Variants in KCNN2 observed in about 807,000 individuals in gnomAD.
KCNN2 encodes small conductance calcium-activated potassium channel protein 2.
Under a neutral mutation model 55.5 loss-of-function variants are expected in KCNN2, and 24 were observed. The observed-to-expected ratio is 0.43, with a 90% CI of 0.31 to 0.61. The LOEUF (loss-of-function observed/expected upper bound fraction) is 0.61. Ranked by LOEUF, KCNN2 falls within the 20% of genes least tolerant of loss-of-function variation. The pLI is 0.08. For synonymous variants in KCNN2, 431 were observed against 336.1 expected, an observed-to-expected ratio of 1.28 and a Z score of -3.09; for missense variants, 754 against 853.6, an observed-to-expected ratio of 0.88 and a Z score of 1.45.
chr5:114,420,305 T>A (rs1366202329), intron 3 of KCNN2, among the ~76,000 whole-genome samples: 3 of 152,226 alleles, frequency 2.0e-5, no homozygotes, highest in Non-Finnish European at 4.4e-5. Context: ...AACTGAGCTA[T>A]GCAAAAAGCA....
intron 2 of KCNN2, among the ~76,000 whole-genome samples, chr5:114,240,979 A>G (rs549989384): frequency 1.3e-5 from 2 of 152,206 alleles, no homozygotes; most frequent in East Asian, 3.8e-4. Context: ...TTAAAAATAT[A>G]TAAAAATTAA....
chr5:114,473,233 T>G (rs1418917067), intron 5 of KCNN2, 69 bp downstream of exon 5: 1 of 1,045,322 alleles, frequency 9.6e-7, no homozygotes, highest in South Asian at 1.4e-5. Context: ...GAAATATGGT[T>G]TTTATTTTGA....
intron 3 of KCNN2, among the ~76,000 whole-genome samples, chr5:114,426,017 C>CA (rs565439053): frequency 0.062 from 8,679 of 139,964 alleles, 272 homozygotes; most frequent in Middle Eastern, 0.077. Context: ...CCATCTCTAC[C>CA]AAAAAAAAAA....
intron 1 of KCNN2, among the ~76,000 whole-genome samples, chr5:114,185,908 T>C (rs1043348736): frequency 6.6e-6 from 1 of 152,192 alleles, no homozygotes; most frequent in Non-Finnish European, 1.5e-5. Flanking sequence ...GGCTGAAATA[T>C]AATGATCATT....
chr5:114,356,935 ATT>A, intron 2 of KCNN2, among the ~76,000 whole-genome samples: 1 of 152,204 alleles, frequency 6.6e-6, no homozygotes, highest in Non-Finnish European at 1.5e-5. Context: ...CCCCACTGGC[ATT>A]TATTGCTAAG....
intron 2 of KCNN2, among the ~76,000 whole-genome samples, chr5:114,337,165 G>T (rs1309612475): frequency 1.3e-5 from 2 of 152,226 alleles, no homozygotes; most frequent in Non-Finnish European, 2.9e-5. Context: ...ATCTCAGATA[G>T]ATTTTGTAGA....
intron 2 of KCNN2, among the ~76,000 whole-genome samples, chr5:114,350,574 GT>G (rs1186080408): frequency 6.6e-6 from 1 of 151,852 alleles, no homozygotes; most frequent in African/African-American, 2.4e-5. Context: ...AATGCTTTGA[GT>G]TTTACAGTTT....
At chr5:114,452,638 C>T (rs948406931) in intron 3 of KCNN2, among the ~76,000 whole-genome samples, 20 of 152,288 alleles carry the variant, frequency 1.3e-4, no homozygotes, top group South Asian at 4.1e-4. Flanking sequence ...TAAAAAATCC[C>T]TGTGCCATGG....
chr5:114,446,747 C>A (rs1369399752), intron 3 of KCNN2, among the ~76,000 whole-genome samples: 1 of 152,076 alleles, frequency 6.6e-6, no homozygotes, highest in East Asian at 1.9e-4. Context: ...AGGCATGAGT[C>A]ACTACACCTG....
chr5:114,171,414 T>C (rs1297603695), intron 1 of KCNN2, among the ~76,000 whole-genome samples: 2 of 151,938 alleles, frequency 1.3e-5, no homozygotes, highest in African/African-American at 2.4e-5. Context: ...TTCCTTTGGC[T>C]AAAACATTTT....
intron 7 of KCNN2, among the ~76,000 whole-genome samples, chr5:114,495,657 C>T (rs1298338815): frequency 6.6e-6 from 1 of 152,138 alleles, no homozygotes; most frequent in Non-Finnish European, 1.5e-5. Flanking sequence ...GGCATGCCAC[C>T]AGTAGCAGTA....
At chr5:114,395,163 G>A (rs1758577855) in intron 2 of KCNN2, among the ~76,000 whole-genome samples, 1 of 152,178 alleles carries the variant, frequency 6.6e-6, no homozygotes, top group African/African-American at 2.4e-5. Flanking sequence ...CTGCAGCCGA[G>A]CTCCTTCTGG....
At chr5:114,465,238 A>G (rs1208465483) in intron 4 of KCNN2, among the ~76,000 whole-genome samples, 5 of 152,276 alleles carry the variant, frequency 3.3e-5, no homozygotes, top group Admixed American at 6.5e-5. Flanking sequence ...TCAAAGTCTC[A>G]TCAGATAGTA....
At chr5:114,479,589 G>A (rs767624098) in intron 5 of KCNN2, among the ~76,000 whole-genome samples, 25 of 151,622 alleles carry the variant, frequency 1.6e-4, no homozygotes, top group African/African-American at 4.4e-4. Flanking sequence ...TGTTCTGATC[G>A]CTATGTGGCA....
At chr5:114,443,976 A>G (rs1030530787) in intron 3 of KCNN2, among the ~76,000 whole-genome samples, 2 of 152,210 alleles carry the variant, frequency 1.3e-5, no homozygotes, top group African/African-American at 4.8e-5. Flanking sequence ...GCAGTGGGGA[A>G]TCACCTTGTT....
intron 2 of KCNN2, among the ~76,000 whole-genome samples, chr5:114,284,798 G>A (rs1031521337): frequency 3.9e-5 from 6 of 151,946 alleles, no homozygotes; most frequent in Middle Eastern, 3.4e-3. Flanking sequence ...GATTACAGGC[G>A]TCAGCCACCG....
chr5:114,233,454 G>A (rs1187573921), intron 2 of KCNN2, among the ~76,000 whole-genome samples: 3 of 152,024 alleles, frequency 2.0e-5, no homozygotes, highest in Non-Finnish European at 2.9e-5. Context: ...AAAAAAGACA[G>A]CTTTTGTTTT....
At chr5:114,404,309 T>C in intron 2 of KCNN2, 129 bp from the exon 3 acceptor site, 1 of 683,646 alleles carries the variant, frequency 1.5e-6, no homozygotes, top group East Asian at 2.6e-5. Flanking sequence ...CTGGCTAGCA[T>C]TTAAAAGTTA....
At chr5:114,295,697 C>G (rs1268079980) in intron 2 of KCNN2, among the ~76,000 whole-genome samples, 1 of 152,104 alleles carries the variant, frequency 6.6e-6, no homozygotes, top group East Asian at 1.9e-4. Context: ...GCACGATGCA[C>G]TAAACCCACT....
Sources: allele counts gnomAD v4.1 joint callset (sites outside exome capture counted in the v4.1 genomes callset), GRCh38; gene constraint gnomAD v4.1.1; transcripts MANE v1.5; gene names NCBI Gene and HGNC (gene_info 2026-07-23, HGNC 2026-07-21).